The following PTPRD variants were observed in gnomAD, a reference collection of about 807,000 sequenced individuals.
PTPRD encodes the protein receptor-type tyrosine-protein phosphatase delta.
Under a neutral mutation model 214.5 loss-of-function variants are expected in PTPRD, and 34 were observed. The observed-to-expected ratio is 0.16, with a 90% confidence interval of 0.12 to 0.21. The LOEUF (loss-of-function observed/expected upper bound fraction) is 0.21. Among genes scored for constraint, PTPRD ranks in the 10% least tolerant of loss-of-function variants. The pLI, the probability that PTPRD is intolerant of heterozygous loss-of-function variation, is 1.00. For missense variants in PTPRD, 2,545 were observed against 2,398.7 expected, an observed-to-expected ratio of 1.06 and a Z score of -1.27; for synonymous variants, 1,128 against 845.7, an observed-to-expected ratio of 1.33 and a Z score of -5.79.
intron 11 of PTPRD, among the ~76,000 whole-genome samples, chr9:8,792,051 T>C (rs921989862): frequency 6.6e-6 from 1 of 152,138 alleles, no homozygotes; most frequent in African/African-American, 2.4e-5. Context: ...AATCATTTCT[T>C]AAGGGCGGAA....
intron 9 of PTPRD, among the ~76,000 whole-genome samples, chr9:9,327,847 G>T (rs1290295782): frequency 6.7e-6 from 1 of 149,688 alleles, no homozygotes. Flanking sequence ...CACGTTGGAA[G>T]AAGAATTGTT....
chr9:10,009,568 T>C (rs1245814628), intron 4 of PTPRD, among the ~76,000 whole-genome samples: 1 of 151,954 alleles, frequency 6.6e-6, no homozygotes, highest in South Asian at 2.1e-4. Context: ...GTTCTCATTA[T>C]GTAGATGAAG....
At chr9:9,673,835 G>A (rs2096877675) in intron 7 of PTPRD, among the ~76,000 whole-genome samples, 1 of 151,552 alleles carries the variant, frequency 6.6e-6, no homozygotes, top group Non-Finnish European at 1.5e-5. Flanking sequence ...TGGGCTGACA[G>A]CATACCAAAA....
intron 2 of PTPRD, among the ~76,000 whole-genome samples, chr9:10,529,232 G>A (rs547698364): frequency 3.9e-4 from 59 of 152,116 alleles, no homozygotes; most frequent in African/African-American, 1.4e-3. Flanking sequence ...TATACCCAAA[G>A]GATTATAAAT....
chr9:8,428,569 A>C (rs76662523), intron 35 of PTPRD, among the ~76,000 whole-genome samples: 1 of 152,056 alleles, frequency 6.6e-6, no homozygotes, highest in Non-Finnish European at 1.5e-5. Context: ...CTTTGCATAA[A>C]AGATGAAAAC....
intron 10 of PTPRD, among the ~76,000 whole-genome samples, chr9:9,036,196 A>C (rs1273898517): frequency 1.4e-5 from 2 of 138,226 alleles, no homozygotes; most frequent in African/African-American, 5.7e-5. Context: ...TCATTTGCAA[A>C]TTTTCAGAAA....
intron 2 of PTPRD, among the ~76,000 whole-genome samples, chr9:10,507,907 A>G (rs2046586824): frequency 6.6e-6 from 1 of 152,342 alleles, no homozygotes; most frequent in South Asian, 2.1e-4. Context: ...TTCATGTCTA[A>G]AACACCAAAA....
Position 8,504,353 on chromosome 9 carries a change from G to A in PTPRD, c.1730C>T (p.Pro577Leu), listed in dbSNP as rs746869234. The A allele has an allele frequency of 1.2e-6, 2 of 1,614,136 alleles. No homozygotes were observed. Among genetic ancestry groups the A allele is most frequent in the East Asian group, 4.5e-5 (2 of 44,876 alleles). ...GTSYRLQGLKPNSLYYFRLAA... is the reference protein window; with the variant it reads ...GTSYRLQGLKLNSLYYFRLAA... Reference sequence around the variant, plus strand: ...CAGACGGAAATAGTATAAGCTGTTTGGTTTCAGTCCTTGCAGCCTATATGA... The same window carrying A: ...CAGACGGAAATAGTATAAGCTGTTTAGTTTCAGTCCTTGCAGCCTATATGA... Residue 577 changes from proline to leucine, a missense_variant, in exon 23 of 46, where the codon CCA (proline) becomes CTA (leucine). Transcript: ENST00000381196.
At chr9:9,353,095 T>C (rs541198884) in intron 9 of PTPRD, among the ~76,000 whole-genome samples, 1 of 151,954 alleles carries the variant, frequency 6.6e-6, no homozygotes, top group Non-Finnish European at 1.5e-5. Context: ...ACAATGCTAT[T>C]CAATGTTCAC....
intron 5 of PTPRD, among the ~76,000 whole-genome samples, chr9:9,827,573 A>T (rs1243303611): frequency 6.6e-6 from 1 of 152,120 alleles, no homozygotes; most frequent in Non-Finnish European, 1.5e-5. Flanking sequence ...AACCTAGGCA[A>T]TACCATTCAG....
At chr9:10,315,834 T>G (rs1044619466) in intron 3 of PTPRD, among the ~76,000 whole-genome samples, 2 of 151,872 alleles carry the variant, frequency 1.3e-5, no homozygotes, top group Non-Finnish European at 2.9e-5. Flanking sequence ...GTGGCTCATT[T>G]GTTAGTTGGT....
At chr9:10,403,757 C>T (rs533369743) in intron 2 of PTPRD, among the ~76,000 whole-genome samples, 1 of 151,748 alleles carries the variant, frequency 6.6e-6, no homozygotes, top group Admixed American at 6.6e-5. Context: ...AAAGGCTACA[C>T]ACTATATGAC....
At chr9:8,805,357 A>G (rs1347361901) in intron 11 of PTPRD, among the ~76,000 whole-genome samples, 2 of 152,190 alleles carry the variant, frequency 1.3e-5, no homozygotes, top group African/African-American at 4.8e-5. Context: ...TAAATTCTAC[A>G]TATCCTTGAA....
chr9:8,515,024 C>T (rs1361816752), intron 21 of PTPRD, among the ~76,000 whole-genome samples: 1 of 152,198 alleles, frequency 6.6e-6, no homozygotes, highest in Non-Finnish European at 1.5e-5. Context: ...GTTTCCTGAA[C>T]TCTCCCTAGC....
intron 3 of PTPRD, among the ~76,000 whole-genome samples, chr9:10,068,077 A>C (rs149898218): frequency 9.2e-5 from 14 of 152,106 alleles, no homozygotes; most frequent in African/African-American, 3.4e-4. Flanking sequence ...CTGGTAAAAA[A>C]ATAATGGATT....
chr9:9,825,771 T>C (rs1248553510), intron 5 of PTPRD, among the ~76,000 whole-genome samples: 1 of 151,902 alleles, frequency 6.6e-6, no homozygotes, highest in African/African-American at 2.4e-5. Flanking sequence ...TCTTTCTTCA[T>C]GTATCTCCAT....
At chr9:9,139,684 G>A (rs569562835) in intron 10 of PTPRD, among the ~76,000 whole-genome samples, 1 of 152,214 alleles carries the variant, frequency 6.6e-6, no homozygotes, top group African/African-American at 2.4e-5. Flanking sequence ...TCAGAATGGT[G>A]CAAATTAAAA....
chr9:8,331,847 G>C (rs1841529848), intron 43 of PTPRD, 111 bp from the exon 44 acceptor site: 1 of 1,302,178 alleles, frequency 7.7e-7, no homozygotes, highest in Non-Finnish European at 1.0e-6. Flanking sequence ...AAAAAGGGTA[G>C]AAAAAGTTAG....
intron 32 of PTPRD, among the ~76,000 whole-genome samples, chr9:8,463,163 T>C (rs1475611160): frequency 1.3e-5 from 2 of 151,818 alleles, no homozygotes; most frequent in Non-Finnish European, 2.9e-5. Flanking sequence ...GGAGAACAGA[T>C]GTTCCACTGA....
Sources: gnomAD v4.1 joint callset for allele counts (sites outside exome capture counted in the v4.1 genomes callset) on GRCh38, gnomAD v4.1.1 for gene constraint, MANE v1.5 for transcripts, NCBI Gene and HGNC (gene_info 2026-07-23, HGNC 2026-07-21) for gene names.